The following UGT1A4 variants were observed in gnomAD, a reference collection of about 807,000 sequenced individuals.
UGT1A4 encodes UDP-glucuronosyltransferase 1A4.
UGT1A4 carries 32 observed loss-of-function variants against 41.1 expected under a neutral mutation model. The observed-to-expected ratio is 0.78, with a 90% CI of 0.59 to 1.05. The LOEUF (loss-of-function observed/expected upper bound fraction) is 1.05, where lower values mean the gene tolerates loss of function less well. UGT1A4 is among the 50% of genes least tolerant of loss of function. The pLI is 0.00. For synonymous variants in UGT1A4, 283 were observed against 265.1 expected (o/e 1.07, Z -0.66); for missense variants, 748 against 677.4 (o/e 1.10, Z -1.16).
chr2:233,772,831 T>TCACACAAGAAAGCCAGCAAGGAAGCAAGG lies in UGT1A4; in HGVS notation c.*273_*274insACACAAGAAAGCCAGCAAGGAAGCAAGGC. On this transcript the variant is annotated 3_prime_UTR_variant, in exon 5 of 5. Coordinates refer to ENST00000373409, the MANE Select transcript of UGT1A4 (RefSeq NM_007120.3). ...AGAGGACGTGCAGACAGGCTGGCAT[T>TCACACAAGAAAGCCAGCAAGGAAGCAAGG]CTAGATTACTTTTCTTACTCTGAAA... The TCACACAAGAAAGCCAGCAAGGAAGCAAGG allele has an allele frequency of 4.5e-6, 4 of 893,952 alleles. No individual in the cohort carries two copies. Among genetic ancestry groups the TCACACAAGAAAGCCAGCAAGGAAGCAAGG allele is most frequent in the Non-Finnish European group, 6.2e-6 (4 of 642,656 alleles). 55.4% of individuals were successfully genotyped at this position (893,952 alleles called of 1,614,324 possible).
chr2:233,734,221 A>G (rs1167860302), intron 1 of UGT1A4, among the ~76,000 whole-genome samples: 2 of 152,172 alleles, frequency 1.3e-5, no homozygotes, highest in Non-Finnish European at 2.9e-5. Flanking sequence ...TGGTCTATTC[A>G]GAGATTCAAC....
chr2:233,742,137 G>A (rs1225241098), intron 1 of UGT1A4, among the ~76,000 whole-genome samples: 1 of 151,882 alleles, frequency 6.6e-6, no homozygotes, highest in Non-Finnish European at 1.5e-5. Context: ...CCCTAACCCA[G>A]CAGCGCTAGA....
Position 233,757,543 on chromosome 2 carries a change from T to TACATATAC in UGT1A4, c.868-9490_868-9489insCATATACA, listed in dbSNP as rs1320189051. ...AAATCTTGCCTGTAAGGAATATATA[T>TACATATAC]ATATATATATATATATATGTATATA... On this transcript the variant is annotated intron_variant, in intron 1 of 4. Transcript: ENST00000373409. Among the ~76,000 whole-genome samples, 305 of 117,198 alleles carry TACATATAC rather than the reference T, an allele frequency of 2.6e-3. 10 individuals are homozygous for TACATATAC. The highest frequency in any genetic ancestry group is 3.4e-3 in the Non-Finnish European group (191 of 55,852). The allele number at this position is 117,198 out of a possible 152,430, so 76.9% of individuals were successfully genotyped here.
chr2:233,741,619 C>T (rs901623616), intron 1 of UGT1A4: 6 of 151,836 alleles, frequency 4.0e-5, no homozygotes. Flanking sequence ...AGTGTCAGAC[C>T]CCATGAGCCC....
Position 233,767,922 on chromosome 2 carries a change from A to G in UGT1A4, c.1073A>G (p.Gln358Arg), listed in dbSNP as rs72551351. The G allele has an allele frequency of 6.2e-7, 1 of 1,614,240 alleles. No individual in the cohort carries two copies. The highest frequency in any genetic ancestry group is 1.1e-5 in the South Asian group (1 of 91,086). ...ACGATACTTGTTAAGTGGCTACCCC[A>G]AAACGATCTGCTTGGTATGTTGGGC... ...NNTILVKWLP[Q>R]NDLLGHPMTR... Residue 358 changes from glutamine (Q) to arginine (R), a missense_variant, in exon 3 of 5, where the codon CAA (glutamine) becomes CGA (arginine). Physicochemically the swap from Gln to Arg is conservative, Grantham distance 43. Transcript: ENST00000373409.
chr2:233,739,344 AG>A lies in UGT1A4; in HGVS notation c.867+19658del, dbSNP rs1575629032. On this transcript the variant is annotated intron_variant, in intron 1 of 4. Transcript: ENST00000373409. ...AGAAGGCCACAGTCCTTCAGAACCC[AG>A]AAGGGCAGATCCAATAGCTTGCACT... Among the ~76,000 whole-genome samples the A allele has an allele frequency of 3.9e-5, 6 of 152,328 alleles. No individual in the cohort carries two copies. In the East Asian group the frequency reaches 5.8e-4, roughly 15 times the overall value.
chr2:233,734,726 T>C (rs1273359481), intron 1 of UGT1A4, among the ~76,000 whole-genome samples: 1 of 150,790 alleles, frequency 6.6e-6, no homozygotes, highest in African/African-American at 2.4e-5. Flanking sequence ...TTTGTTCTCG[T>C]CGGTTTCAAA....
rs562159767 is a variant in UGT1A4, at chr2:233,728,334, A to G, written c.867+8647A>G. On this transcript the variant is annotated intron_variant, in intron 1 of 4. Transcript: ENST00000373409. ...TCTGAGGCCAGGCTCCAGCTCCCCC[A>G]GTCCCTTGGTGAGCAGGAGCTCCCT... Among the ~76,000 whole-genome samples, 5 of 152,308 alleles carry G rather than the reference A, an allele frequency of 3.3e-5. No homozygotes were observed. The South Asian group carries it at 6.2e-4, about 19-fold the overall frequency.
chr2:233,742,531 TTTTG>T (rs1252535514), intron 1 of UGT1A4, among the ~76,000 whole-genome samples: 4 of 151,838 alleles, frequency 2.6e-5, no homozygotes, highest in African/African-American at 9.7e-5. Context: ...GCTGCAGAGA[TTTTG>T]TTTATGGCCA....
At chr2:233,735,775 C>G (rs2363116) in intron 1 of UGT1A4, among the ~76,000 whole-genome samples, 81,728 of 152,006 alleles carry the variant, frequency 0.54, 23,611 homozygotes, top group African/African-American at 0.76. Context: ...ATGAAGCTTA[C>G]TTTGGCTGCA....
chr2:233,762,122 C>T (rs1697975314), intron 1 of UGT1A4, among the ~76,000 whole-genome samples: 1 of 152,090 alleles, frequency 6.6e-6, no homozygotes, highest in South Asian at 2.1e-4. Flanking sequence ...CATCATGAGC[C>T]ATGTGGGGAC....
At chr2:233,738,133 A>G (rs1397029261) in intron 1 of UGT1A4, among the ~76,000 whole-genome samples, 2 of 152,126 alleles carry the variant, frequency 1.3e-5, no homozygotes, top group African/African-American at 2.4e-5. Flanking sequence ...AGGGGCCCTT[A>G]TCCCTTCACT....
At chr2:233,729,642 T>C (rs1273465947) in intron 1 of UGT1A4, 5 of 1,613,940 alleles carry the variant, frequency 3.1e-6, no homozygotes, top group South Asian at 2.2e-5. Context: ...CTGTGTTTTT[T>C]TTGAGGAACA....
At chr2:233,738,140 C>T (rs975001541) in intron 1 of UGT1A4, among the ~76,000 whole-genome samples, 3 of 152,224 alleles carry the variant, frequency 2.0e-5, no homozygotes, top group African/African-American at 7.2e-5. Context: ...CTTATCCCTT[C>T]ACTTGCAAGC....
intron 1 of UGT1A4, among the ~76,000 whole-genome samples, chr2:233,757,286 A>G (rs1696467514): frequency 8.1e-6 from 1 of 123,644 alleles, no homozygotes. Flanking sequence ...TTCAGAAGGG[A>G]CAGCTGGGGG....
chr2:233,758,784 C>CAGT (rs1243444315), intron 1 of UGT1A4, among the ~76,000 whole-genome samples: 1 of 152,158 alleles, frequency 6.6e-6, no homozygotes, highest in Non-Finnish European at 1.5e-5. Context: ...GGGATCTGTG[C>CAGT]AGTTATCTTG....
chr2:233,759,167 C>A (rs1180599090), intron 1 of UGT1A4, among the ~76,000 whole-genome samples: 1 of 152,178 alleles, frequency 6.6e-6, no homozygotes, highest in African/African-American at 2.4e-5. Context: ...ACAAGGCAGG[C>A]AGGTTTCACG....
At chr2:233,724,549 A>G (rs2077280351) in intron 1 of UGT1A4, among the ~76,000 whole-genome samples, 1 of 120,476 alleles carries the variant, frequency 8.3e-6, no homozygotes, top group Non-Finnish European at 1.7e-5. Flanking sequence ...GGCGCTCCTC[A>G]CATCCCAGAT....
At chr2:233,750,325 T>C (rs1342214391) in intron 1 of UGT1A4, among the ~76,000 whole-genome samples, 1 of 151,898 alleles carries the variant, frequency 6.6e-6, no homozygotes, top group Non-Finnish European at 1.5e-5. Context: ...AACTTTGAAC[T>C]TCAGAGAGAT....
Sources: allele counts gnomAD v4.1 joint callset (sites outside exome capture counted in the v4.1 genomes callset), GRCh38; gene constraint gnomAD v4.1.1; transcripts MANE v1.5; gene names NCBI Gene and HGNC (gene_info 2026-07-23, HGNC 2026-07-21).